ZBTB20: variants seen among roughly 807,000 people sequenced by gnomAD.
ZBTB20 encodes the protein zinc finger and BTB domain containing 20, also known as zinc finger and BTB domain-containing protein 20.
Under a neutral mutation model 56.9 loss-of-function variants are expected in ZBTB20, and 9 were observed. That is an observed-to-expected ratio of 0.16 (90% CI 0.10 to 0.28). The LOEUF (loss-of-function observed/expected upper bound fraction) is 0.28. ZBTB20 is among the 10% of genes least tolerant of loss of function. The probability of loss-of-function intolerance (pLI) is 1.00; values close to 1 mark genes in which losing one functional copy is unlikely to be tolerated. For synonymous variants in ZBTB20, 417 were observed against 420.7 expected (o/e 0.99, Z 0.11); for missense variants, 655 against 1,003.0 (o/e 0.65, Z 4.69).
At chr3:115,010,627 A>C (rs1214132503) in intron 2 of ZBTB20, among the ~76,000 whole-genome samples, 1 of 151,976 alleles carries the variant, frequency 6.6e-6, no homozygotes, top group Non-Finnish European at 1.5e-5. Flanking sequence ...TTCTTAGATC[A>C]CAACATTCAG....
chr3:115,140,394 A>T (rs1270346976), intron 1 of ZBTB20, among the ~76,000 whole-genome samples: 1 of 152,128 alleles, frequency 6.6e-6, no homozygotes, highest in African/African-American at 2.4e-5. Context: ...CATTTAAAAT[A>T]GCATAAAACT....
intron 9 of ZBTB20, 120 bp from the exon 10 acceptor site, chr3:114,380,524 G>T: frequency 7.9e-7 from 1 of 1,266,526 alleles, no homozygotes; most frequent in Non-Finnish European, 1.1e-6. Flanking sequence ...AGGGAGTCCA[G>T]TATGTCCCTT....
At chr3:114,798,181 T>C (rs913270518) in intron 5 of ZBTB20, among the ~76,000 whole-genome samples, 1 of 151,874 alleles carries the variant, frequency 6.6e-6, no homozygotes, top group Admixed American at 6.6e-5. Context: ...AGATTACTGG[T>C]TTCATCATGT....
At chr3:114,928,113 T>C (rs970285947) in intron 3 of ZBTB20, among the ~76,000 whole-genome samples, 2 of 152,254 alleles carry the variant, frequency 1.3e-5, no homozygotes, top group African/African-American at 4.8e-5. Context: ...ATATGGTTTC[T>C]GCTTTCCAGG....
chr3:114,872,636 G>GA (rs2076054705), intron 4 of ZBTB20, among the ~76,000 whole-genome samples: 2 of 144,936 alleles, frequency 1.4e-5, no homozygotes, highest in Admixed American at 1.4e-4. Flanking sequence ...ACAGTTGCCA[G>GA]AAATAAAAAA....
chr3:114,971,431 G>A (rs1391639773), intron 3 of ZBTB20, among the ~76,000 whole-genome samples: 1 of 152,072 alleles, frequency 6.6e-6, no homozygotes, highest in Non-Finnish European at 1.5e-5. Flanking sequence ...TTTTCTTATA[G>A]TACTTACCCC....
At chr3:115,104,075 A>G (rs115436449) in intron 1 of ZBTB20, among the ~76,000 whole-genome samples, 32 of 152,352 alleles carry the variant, frequency 2.1e-4, no homozygotes, top group Non-Finnish European at 4.0e-4. Context: ...AGATATACAG[A>G]TGGCAAATAA....
At chr3:114,407,612 T>C (rs2087462769) in intron 7 of ZBTB20, among the ~76,000 whole-genome samples, 1 of 152,114 alleles carries the variant, frequency 6.6e-6, no homozygotes, top group Admixed American at 6.5e-5. Flanking sequence ...AAATATACAG[T>C]CAAGTTAGAA....
intron 1 of ZBTB20, among the ~76,000 whole-genome samples, chr3:115,074,343 G>C (rs1330566487): frequency 6.6e-6 from 1 of 152,104 alleles, no homozygotes; most frequent in Non-Finnish European, 1.5e-5. Flanking sequence ...ACTTGATAGT[G>C]GGTTGGTAGT....
At chr3:115,046,314 G>A (rs1465363378) in intron 2 of ZBTB20, among the ~76,000 whole-genome samples, 1 of 151,888 alleles carries the variant, frequency 6.6e-6, no homozygotes, top group Non-Finnish European at 1.5e-5. Context: ...TCTTTTGACA[G>A]CACTCAGTCC....
At chr3:115,068,279 G>T (rs534985221) in intron 2 of ZBTB20, among the ~76,000 whole-genome samples, 1 of 151,874 alleles carries the variant, frequency 6.6e-6, no homozygotes, top group Non-Finnish European at 1.5e-5. Context: ...TTTTACTGTT[G>T]TCTTCATGTA....
intron 5 of ZBTB20, among the ~76,000 whole-genome samples, chr3:114,711,965 A>C (rs2064117311): frequency 6.6e-6 from 1 of 152,244 alleles, no homozygotes. Context: ...GTGAAGGACC[A>C]TGTCTTATCC....
At chr3:115,085,823 C>T (rs1279427834) in intron 1 of ZBTB20, among the ~76,000 whole-genome samples, 3 of 151,838 alleles carry the variant, frequency 2.0e-5, no homozygotes, top group Non-Finnish European at 4.4e-5. Context: ...GATTTCCACA[C>T]TAGAAATTTT....
chr3:115,074,913 T>C lies in ZBTB20; in HGVS notation c.-702-3499A>G, dbSNP rs1256998721. 2.6e-5 allele frequency among the ~76,000 whole-genome samples: 4 copies of C among 152,256 alleles called. No homozygotes were observed. In the South Asian group the frequency reaches 6.2e-4, roughly 24 times the overall value. On this transcript the variant is annotated intron_variant, in intron 1 of 11. Coordinates refer to ENST00000675478, the MANE Select transcript of ZBTB20 (RefSeq NM_001348800.3). ...TTTTTCTTTTACACTATAGAAATCA[T>C]ACTTCAAAATTTAAATACTAATGCA...
At chr3:114,352,041 G>T in intron 10 of ZBTB20, 163 bp from the exon 11 acceptor site, 3 of 900,674 alleles carry the variant, frequency 3.3e-6, no homozygotes, top group Non-Finnish European at 4.9e-6. Context: ...CAAGCTGTAG[G>T]TACGATGACC....
intron 2 of ZBTB20, among the ~76,000 whole-genome samples, chr3:115,031,293 C>G (rs2080666774): frequency 6.6e-6 from 1 of 151,210 alleles, no homozygotes; most frequent in Non-Finnish European, 1.5e-5. Flanking sequence ...TGAGCTCATC[C>G]CTCTAACAAA....
chr3:114,350,682 T>G lies in ZBTB20; in HGVS notation c.1396A>C (p.Ile466Leu). 2 of 1,614,204 alleles carry G rather than the reference T, an allele frequency of 1.2e-6. No homozygotes were observed. Among genetic ancestry groups the G allele is most frequent in the Non-Finnish European group, 1.7e-6 (2 of 1,180,046 alleles). ...TGGGTACTTGGCAATGGCTGCCCGA[T>G]GGACGTGTTGACCGAAGGCTGTTGT... ...VLQQPSVNTS[I>L]GQPLPSTQLY... Residue 466 changes from isoleucine (I) to leucine (L), a missense_variant, in exon 11 of 12, where the codon ATC becomes CTC. Ile to Leu is a conservative substitution (Grantham distance 5, BLOSUM62 2). Transcript: ENST00000675478.
chr3:114,348,831 G>A (rs2080405739), intron 11 of ZBTB20, among the ~76,000 whole-genome samples: 1 of 152,096 alleles, frequency 6.6e-6, no homozygotes, highest in Non-Finnish European at 1.5e-5. Context: ...AGGTTGTTTT[G>A]AGAAACTAAT....
intron 5 of ZBTB20, among the ~76,000 whole-genome samples, chr3:114,777,496 G>T (rs1425719251): frequency 6.6e-6 from 1 of 152,104 alleles, no homozygotes; most frequent in Non-Finnish European, 1.5e-5. Flanking sequence ...ATGAAAAAAT[G>T]CTCATCATCA....
Sources: gnomAD v4.1 joint callset for allele counts (sites outside exome capture counted in the v4.1 genomes callset) on GRCh38, gnomAD v4.1.1 for gene constraint, MANE v1.5 for transcripts, NCBI Gene and HGNC (gene_info 2026-07-23, HGNC 2026-07-21) for gene names.